Variants in GPR89B observed in about 807,000 individuals in gnomAD.
GPR89B encodes G protein-coupled receptor 89B.
Under a neutral mutation model 52.4 loss-of-function variants are expected in GPR89B, and 25 were observed. The observed-to-expected ratio is 0.48, with a 90% CI of 0.35 to 0.67. GPR89B has a LOEUF of 0.67. GPR89B is among the 30% of genes least tolerant of loss of function. The pLI is 0.01. For synonymous variants in GPR89B, 52 were observed against 151.2 expected (o/e 0.34, Z 4.81); for missense variants, 146 against 450.2 (o/e 0.32, Z 6.11).
In GPR89B at chr1:147,959,058, A is replaced by G. The variant is rs1419911483; in HGVS notation, c.617+4656A>G. 3.3e-5 allele frequency among the ~76,000 whole-genome samples: 5 copies of G among 152,366 alleles called. No individual in the cohort carries two copies. In the South Asian group the frequency reaches 8.3e-4, roughly 25 times the overall value. On this transcript the variant is annotated intron_variant, in intron 7 of 13. Transcript: ENST00000314163. Reference sequence around the variant, plus strand: ...AGAAAAACTGTTTTTGCAAACATTCATAGTTGGGGAGGAGTAGTGACCAGA... The same window carrying G: ...AGAAAAACTGTTTTTGCAAACATTCGTAGTTGGGGAGGAGTAGTGACCAGA...
At chr1:147,990,251 A>C (rs1274358301) in intron 12 of GPR89B, among the ~76,000 whole-genome samples, 2 of 150,946 alleles carry the variant, frequency 1.3e-5, no homozygotes, top group Admixed American at 6.6e-5. Flanking sequence ...TGTTGGCTGC[A>C]CATGAGAAGT....
At chr1:147,978,858 TGA>T (rs1558063995) in intron 10 of GPR89B, among the ~76,000 whole-genome samples, 1,861 of 151,134 alleles carry the variant, frequency 0.012, 101 homozygotes, top group African/African-American at 0.043. Flanking sequence ...GGACCTGCAG[TGA>T]TGGTGGCTAT....
At chr1:148,013,040 A>T in the GPR89B span, among the ~76,000 whole-genome samples, 1 of 152,138 alleles carries the variant, frequency 6.6e-6, no homozygotes, top group Non-Finnish European at 1.5e-5. Context: ...GATTCAGATG[A>T]TGTTACTGAT....
the GPR89B span, among the ~76,000 whole-genome samples, chr1:148,015,439 C>G: frequency 5.4e-5 from 8 of 148,462 alleles, no homozygotes; most frequent in Non-Finnish European, 7.4e-5. Flanking sequence ...CTCAGCCTCC[C>G]GAGTAGCTGG....
At chr1:148,000,526 T>C in the GPR89B span, among the ~76,000 whole-genome samples, 2 of 151,896 alleles carry the variant, frequency 1.3e-5, no homozygotes, top group Admixed American at 6.6e-5. Context: ...TTTACTAAGC[T>C]GCGTGACTTT....
At chr1:148,010,903 C>G in the GPR89B span, 1 of 152,480 alleles carries the variant, frequency 6.6e-6, no homozygotes, top group Admixed American at 6.5e-5. Flanking sequence ...TGTTGCCTGA[C>G]ATACGTCTCC....
the GPR89B span, chr1:148,003,908 C>T: frequency 1.7e-6 from 1 of 577,316 alleles, no homozygotes. Context: ...TGAATTGTAT[C>T]TTCTGCTCAA....
rs1285615912 is a variant in GPR89B, at chr1:147,964,323, T to C, written c.618-2231T>C. On this transcript the variant is annotated intron_variant, in intron 7 of 13. Transcript: ENST00000314163. ...TAGTTGACTGACATTTAAACCTCAG[T>C]AGACATTTTTTAGCTTCTTCTGTTG... is the stretch of plus-strand genomic sequence containing the variant. 8.6e-3 allele frequency among the ~76,000 whole-genome samples: 1,305 copies of C among 152,076 alleles called. 24 individuals are homozygous for C. The highest frequency in any genetic ancestry group is 0.03 in the African/African-American group (1,252 of 41,330).
downstream of GPR89B, chr1:147,994,232 A>G (rs1384899238): frequency 1.2e-5 from 19 of 1,601,986 alleles, no homozygotes; most frequent in African/African-American, 2.6e-4. Flanking sequence ...TCATTCTTTG[A>G]GAAAGGATTC....
intron 1 of GPR89B, among the ~76,000 whole-genome samples, chr1:147,929,550 G>C (rs1281970724): frequency 6.6e-6 from 1 of 152,178 alleles, no homozygotes; most frequent in Non-Finnish European, 1.5e-5. Context: ...GATTTTGTGT[G>C]TGTGTGTTTG....
At chr1:147,935,440 A>C (rs1196334318) in intron 1 of GPR89B, among the ~76,000 whole-genome samples, 1 of 152,228 alleles carries the variant, frequency 6.6e-6, no homozygotes, top group Non-Finnish European at 1.5e-5. Context: ...AGAAGAAAAG[A>C]GTAGTTGTGT....
chr1:147,942,592 T>C (rs1553249103), intron 3 of GPR89B, among the ~76,000 whole-genome samples: 2 of 151,318 alleles, frequency 1.3e-5, no homozygotes, highest in Admixed American at 1.3e-4. Context: ...AAATATAATA[T>C]ATCCATATAA....
chr1:147,937,524 A>G (rs1197242699), intron 2 of GPR89B, among the ~76,000 whole-genome samples: 3 of 152,172 alleles, frequency 2.0e-5, no homozygotes, highest in South Asian at 2.1e-4. Context: ...TTTTAGTCCT[A>G]TCTCAACCGC....
chr1:147,968,412 G>C, intron 8 of GPR89B: 1 of 454,396 alleles, frequency 2.2e-6, no homozygotes. Context: ...AGAAGATAAT[G>C]TTTGAAAAGA....
At chr1:147,997,006 A>G (rs1659329691), downstream of GPR89B, among the ~76,000 whole-genome samples, 1 of 151,990 alleles carries the variant, frequency 6.6e-6, no homozygotes, top group Non-Finnish European at 1.5e-5. Context: ...ATGCGGTACA[A>G]GGATCCCAAA....
chr1:148,010,310 T>C, the GPR89B span: 1 of 152,376 alleles, frequency 6.6e-6, no homozygotes, highest in Admixed American at 6.5e-5. Flanking sequence ...TTTTGATCCT[T>C]GACTTTTCTA....
chr1:148,002,104 C>T, the GPR89B span, among the ~76,000 whole-genome samples: 1 of 146,758 alleles, frequency 6.8e-6, no homozygotes, highest in African/African-American at 2.5e-5. Flanking sequence ...GTATCTCCAA[C>T]AAAATATCTC....
chr1:148,014,051 G>A, the GPR89B span, among the ~76,000 whole-genome samples: 1 of 151,134 alleles, frequency 6.6e-6, no homozygotes, highest in African/African-American at 2.5e-5. Context: ...GTAGGAAAGC[G>A]ACGTCTCCCA....
chr1:147,929,515 T>A (rs1195770174), intron 1 of GPR89B, among the ~76,000 whole-genome samples: 4 of 152,214 alleles, frequency 2.6e-5, no homozygotes, highest in Non-Finnish European at 4.4e-5. Context: ...CCTGTTGACC[T>A]TCTTCCCCTC....
Sources: gnomAD v4.1 joint callset for allele counts (sites outside exome capture counted in the v4.1 genomes callset) on GRCh38, gnomAD v4.1.1 for gene constraint, MANE v1.5 for transcripts, NCBI Gene and HGNC (gene_info 2026-07-23, HGNC 2026-07-21) for gene names.